Variants in NEURL1 observed in about 807,000 individuals in gnomAD.
The protein encoded by NEURL1 is neuralized E3 ubiquitin protein ligase 1, also known as E3 ubiquitin-protein ligase NEURL1.
NEURL1 carries 26 observed loss-of-function variants against 41.2 expected under a neutral mutation model. The ratio of observed to expected loss-of-function variants is 0.63; its 90% CI spans 0.46 to 0.87. NEURL1 has a LOEUF of 0.87. NEURL1 is among the 40% of genes least tolerant of loss of function. The pLI is 0.00. For synonymous variants in NEURL1, 400 were observed against 402.3 expected (o/e 0.99, Z 0.07); for missense variants, 761 against 871.1 (o/e 0.87, Z 1.59).
intron 1 of NEURL1, among the ~76,000 whole-genome samples, chr10:103,507,749 C>A (rs901992644): frequency 1.4e-4 from 22 of 152,338 alleles, no homozygotes; most frequent in African/African-American, 5.1e-4. Context: ...TCATTAATGT[C>A]CTCTCTGCCT....
intron 4 of NEURL1, 52 bp downstream of exon 4, chr10:103,585,277 G>A: frequency 1.4e-6 from 2 of 1,407,350 alleles, no homozygotes; most frequent in Non-Finnish European, 1.9e-6. Context: ...AGGCGGGGAC[G>A]ATCCGGGTAG....
At chr10:103,504,216 C>G (rs561340360) in intron 1 of NEURL1, among the ~76,000 whole-genome samples, 1 of 152,136 alleles carries the variant, frequency 6.6e-6, no homozygotes, top group African/African-American at 2.4e-5. Context: ...TGGTCTTGAA[C>G]CCCTGAACTT....
In NEURL1 at chr10:103,494,305, C is replaced by G. The variant is rs1338652806; in HGVS notation, c.-83C>G. The G allele has an allele frequency of 1.7e-6, 2 of 1,187,324 alleles. No individual in the cohort carries two copies. The highest frequency in any genetic ancestry group is 2.3e-6 in the Non-Finnish European group (2 of 856,196). The allele number at this position is 1,187,324 out of a possible 1,614,324, so 73.5% of individuals were successfully genotyped here. ...CCTCCCCCGGTGGCGCGCACCCGCG[C>G]GCGCACACTCGCACACCGCACCTCA... On this transcript the variant is annotated 5_prime_UTR_variant, in exon 1 of 6. Transcript: ENST00000369780.
At chr10:103,496,180 G>A (rs548004868) in intron 1 of NEURL1, among the ~76,000 whole-genome samples, 1 of 152,266 alleles carries the variant, frequency 6.6e-6, no homozygotes, top group African/African-American at 2.4e-5. Context: ...CTAAGGAAGT[G>A]GAGATGCAGG....
chr10:103,527,336 C>T (rs1215917888), intron 1 of NEURL1, among the ~76,000 whole-genome samples: 2 of 149,670 alleles, frequency 1.3e-5, no homozygotes, highest in Non-Finnish European at 3.0e-5. Context: ...GCTCTGTTGC[C>T]CAGGCTGGAG....
chr10:103,555,283 G>A, intron 1 of NEURL1: 3 of 1,165,788 alleles, frequency 2.6e-6, no homozygotes, highest in Non-Finnish European at 2.2e-6. Flanking sequence ...GCCCGCGGGG[G>A]AGGAGACGGG....
chr10:103,521,147 C>G (rs1310328066), intron 1 of NEURL1, among the ~76,000 whole-genome samples: 1 of 152,136 alleles, frequency 6.6e-6, no homozygotes, highest in East Asian at 1.9e-4. Flanking sequence ...TCCGTTCTAC[C>G]TTTCCTAAAG....
intron 1 of NEURL1, among the ~76,000 whole-genome samples, chr10:103,531,822 T>C (rs2034579722): frequency 6.6e-6 from 1 of 152,222 alleles, no homozygotes; most frequent in South Asian, 2.1e-4. Context: ...GCCTGGCCTC[T>C]GTCTCTCCCT....
intron 3 of NEURL1, among the ~76,000 whole-genome samples, chr10:103,577,238 C>T (rs183643727): frequency 1.3e-5 from 2 of 152,204 alleles, no homozygotes; most frequent in East Asian, 3.9e-4. Flanking sequence ...CAAATTCTGC[C>T]AGCTATATCA....
chr10:103,519,281 C>CT (rs1433164693), intron 1 of NEURL1, among the ~76,000 whole-genome samples: 3 of 151,670 alleles, frequency 2.0e-5, no homozygotes, highest in Non-Finnish European at 2.9e-5. Flanking sequence ...GAAAAAAACA[C>CT]TTTTTTAAAA....
At chr10:103,521,438 C>G (rs2034345704) in intron 1 of NEURL1, among the ~76,000 whole-genome samples, 1 of 152,120 alleles carries the variant, frequency 6.6e-6, no homozygotes, top group Non-Finnish European at 1.5e-5. Flanking sequence ...ATTTGCCAGT[C>G]CTGGGCGGGG....
chr10:103,582,595 C>T (rs572876174), intron 3 of NEURL1, among the ~76,000 whole-genome samples: 2 of 152,106 alleles, frequency 1.3e-5, no homozygotes, highest in East Asian at 3.8e-4. Flanking sequence ...CTGGAAGGGG[C>T]AGTGAAAGGG....
intron 1 of NEURL1, among the ~76,000 whole-genome samples, chr10:103,512,787 T>C (rs1196995315): frequency 1.3e-5 from 2 of 152,054 alleles, no homozygotes; most frequent in Admixed American, 1.3e-4. Context: ...ATAATTAAAT[T>C]CTTATCTTAA....
Position 103,558,224 on chromosome 10 carries a change from A to G in NEURL1, c.86-12648A>G. On this transcript the variant is annotated intron_variant, in intron 1 of 5. Transcript: ENST00000369780. This position sits in a 1 kb window ranked among gnomAD's most constrained non-coding sequence, Gnocchi z 4.2. ...TTGGACTTTCGGCTTGATTCGGGCC[A>G]AACATTTTGGATTGCTGCGTTAAAG... 1 of 985,236 alleles carries G rather than the reference A, an allele frequency of 1.0e-6. No individual in the cohort carries two copies. Among genetic ancestry groups the G allele is most frequent in the Non-Finnish European group, 1.2e-6 (1 of 829,964 alleles). The allele number at this position is 985,236 out of a possible 1,614,324, so 61.0% of individuals were successfully genotyped here.
rs1180968072 is a variant in NEURL1 at position 103,571,640 on chromosome 10, C to T, written c.467C>T (p.Ala156Val). Residue 156 changes from alanine to valine, a missense_variant, in exon 3 of 6, where the codon GCG (alanine) becomes GTG (valine). Ala to Val is a moderately conservative substitution (Grantham distance 64). Transcript: ENST00000369780. Reference sequence around the variant, plus strand: ...TCCCAGAGTGGCTTCTGGGCCAAGGCGCTGCCTGAGGAGTTTGCCAATGAG... The same window carrying T: ...TCCCAGAGTGGCTTCTGGGCCAAGGTGCTGCCTGAGGAGTTTGCCAATGAG... ...LVSQSGFWAK[A>V]LPEEFANEGN... The T allele has an allele frequency of 3.1e-6, 5 of 1,614,138 alleles. No individual in the cohort carries two copies. Among genetic ancestry groups the T allele is most frequent in the Non-Finnish European group, 4.2e-6 (5 of 1,180,024 alleles).
Position 103,584,811 on chromosome 10 carries a change from G to A in NEURL1, c.925G>A (p.Asp309Asn). 1.4e-6 allele frequency: 2 copies of A among 1,425,844 alleles called. No homozygotes were observed. Among genetic ancestry groups the A allele is most frequent in the South Asian group, 1.4e-5 (1 of 70,174 alleles). The allele number at this position is 1,425,844 out of a possible 1,614,324, so 88.3% of individuals were successfully genotyped here. ...CGCCGGCGCGCACGTCCGCATCCTC[G>A]ACGAGCAGACGGTGGCGCGCGTGGA... is the stretch of plus-strand genomic sequence containing the variant. ...LRAGAHVRIL[D>N]EQTVARVEHG... Residue 309 changes from aspartate to asparagine, a missense_variant, in exon 4 of 6, where the codon GAC (aspartate) becomes AAC (asparagine). Physicochemically the swap from Asp to Asn is conservative, Grantham distance 23. This residue lies in a region of NEURL1 where 443 missense variants were observed against 408.1 expected (regional missense o/e 1.09). Coordinates refer to ENST00000369780, the MANE Select transcript of NEURL1 (RefSeq NM_004210.5).
rs540770301 is a variant in NEURL1 at position 103,501,550 on chromosome 10, G to A, written c.85+7078G>A. Among the ~76,000 whole-genome samples the A allele has an allele frequency of 9.9e-5, 15 of 152,110 alleles. No homozygotes were observed. The East Asian group carries it at 2.5e-3, about 25-fold the overall frequency. On this transcript the variant is annotated intron_variant, in intron 1 of 5. Coordinates refer to ENST00000369780, the MANE Select transcript of NEURL1 (RefSeq NM_004210.5). ...TTAAGAAGCCCAAGTTCTGATGCTA[G>A]GTGTATTCATGTAAATAAATTCATT...
chr10:103,571,548 C>T lies in NEURL1; in HGVS notation c.375C>T (p.Phe125=). 6.2e-7 allele frequency: 1 copy of T among 1,611,820 alleles called. No homozygotes were observed. Among genetic ancestry groups the T allele is most frequent in the African/African-American group, 1.3e-5 (1 of 75,066 alleles). ...GGAGCGGGGCCCTGCGGCTGGGCTT[C>T]ACCAGCAAGGACCCGTCCCGCATCC... ...CCWSGALRLG[F]TSKDPSRIHP... is the part of the protein sequence containing the mutation. Residue 125 remains phenylalanine, a synonymous_variant, in exon 3 of 6, where the codon TTC becomes TTT. Transcript: ENST00000369780.
intron 1 of NEURL1, among the ~76,000 whole-genome samples, chr10:103,533,310 T>G (rs549253490): frequency 6.6e-6 from 1 of 152,248 alleles, no homozygotes; most frequent in East Asian, 1.9e-4. Context: ...TTTTCTTGAC[T>G]TTTTTGTTCT....
Sources: allele counts gnomAD v4.1 joint callset (sites outside exome capture counted in the v4.1 genomes callset), GRCh38; gene constraint gnomAD v4.1.1; regional missense constraint gnomAD v4.1.1; non-coding constraint Gnocchi (gnomAD v3.1); transcripts MANE v1.5; gene names NCBI Gene and HGNC (gene_info 2026-07-23, HGNC 2026-07-21).